Variants in CUX1 observed in about 807,000 individuals in gnomAD.
The protein encoded by CUX1 is cut like homeobox 1, also known as protein CASP.
In CUX1, 31 loss-of-function variants were observed where a neutral mutation model predicts 158.8. The observed-to-expected ratio is 0.20, with a 90% CI of 0.15 to 0.26. The LOEUF (loss-of-function observed/expected upper bound fraction) is 0.26, where lower values mean the gene tolerates loss of function less well. CUX1 is among the 10% of genes least tolerant of loss of function. CUX1 has a pLI of 1.00. For missense variants in CUX1, 1,589 were observed against 2,014.6 expected (o/e 0.79, Z 4.04); for synonymous variants, 879 against 862.1 (o/e 1.02, Z -0.34).
chr7:102,229,142 G>A (rs1798674237), intron 21 of CUX1, among the ~76,000 whole-genome samples: 1 of 152,150 alleles, frequency 6.6e-6, no homozygotes, highest in Non-Finnish European at 1.5e-5. Flanking sequence ...GCAGCCCCTG[G>A]GGAACTCACT....
At chr7:102,259,921 C>G (rs191296421), downstream of CUX1, among the ~76,000 whole-genome samples, 1 of 151,752 alleles carries the variant, frequency 6.6e-6, no homozygotes, top group East Asian at 2.0e-4. Context: ...CATAGTGAGA[C>G]CCCATCTCTA....
chr7:102,117,266 C>T (rs958975768), intron 8 of CUX1, among the ~76,000 whole-genome samples: 3 of 151,972 alleles, frequency 2.0e-5, no homozygotes, highest in East Asian at 1.9e-4. Flanking sequence ...GGCATGGTGG[C>T]GTGCGCCTGT....
chr7:102,090,382 T>C (rs1183945340), intron 4 of CUX1, among the ~76,000 whole-genome samples: 1 of 151,956 alleles, frequency 6.6e-6, no homozygotes, highest in African/African-American at 2.4e-5. Context: ...TTTTTTTGTT[T>C]TTTTGTTTTG....
chr7:101,897,166 G>A (rs958263367), intron 1 of CUX1, among the ~76,000 whole-genome samples: 10 of 152,214 alleles, frequency 6.6e-5, no homozygotes, highest in African/African-American at 1.2e-4. Context: ...TTTTAATGAG[G>A]TTTCAAACTC....
chr7:101,884,865 C>T (rs1800067021), intron 1 of CUX1, among the ~76,000 whole-genome samples: 1 of 152,092 alleles, frequency 6.6e-6, no homozygotes, highest in African/African-American at 2.4e-5. Flanking sequence ...TCCCCCTTGC[C>T]TTCTGGAATC....
At chr7:102,041,240 T>TCAC (rs1345139354) in intron 3 of CUX1, among the ~76,000 whole-genome samples, 4 of 142,312 alleles carry the variant, frequency 2.8e-5, no homozygotes, top group Non-Finnish European at 6.1e-5. Context: ...AGGGAGATTG[T>TCAC]CACCTCTTAT....
Position 102,248,562 on chromosome 7 carries a change from C to A in CUX1, c.4038C>A (p.Gly1346=). 6.7e-7 allele frequency: 1 copy of A among 1,494,570 alleles called. No homozygotes were observed. The highest frequency in any genetic ancestry group is 8.9e-7 in the Non-Finnish European group (1 of 1,126,644). The allele number at this position is 1,494,570 out of a possible 1,614,324, so 92.6% of individuals were successfully genotyped here. Reference sequence around the variant, plus strand: ...GCGACGGCGTGGAGGCCACTGAGGGCCCAGGCAGCGCCGACACCGAGGAGC... The same window carrying A: ...GCGACGGCGTGGAGGCCACTGAGGGACCAGGCAGCGCCGACACCGAGGAGC... The part of the protein sequence containing the change: ...DSCDGVEATE[G]PGSADTEEPK... Residue 1346 remains glycine, a synonymous_variant, in exon 24 of 24, where the codon GGC becomes GGA. Coordinates refer to ENST00000292535, the MANE Select transcript of CUX1 (RefSeq NM_181552.4). The surrounding 1 kb of genome is among the most constrained non-coding windows in gnomAD (Gnocchi z 5.8).
intron 3 of CUX1, among the ~76,000 whole-genome samples, chr7:102,034,781 A>T (rs1227052786): frequency 6.6e-6 from 1 of 151,696 alleles, no homozygotes; most frequent in African/African-American, 2.4e-5. Flanking sequence ...CAAAAACAAA[A>T]AATTAGCTGG....
At chr7:101,820,385 CA>C (rs1792331561) in intron 1 of CUX1, among the ~76,000 whole-genome samples, 1 of 152,200 alleles carries the variant, frequency 6.6e-6, no homozygotes, top group Non-Finnish European at 1.5e-5. Context: ...ATAGTTTACA[CA>C]TTTGTCACAT....
chr7:101,918,019 C>G (rs1301656255), intron 2 of CUX1, among the ~76,000 whole-genome samples: 2 of 152,094 alleles, frequency 1.3e-5, no homozygotes, highest in South Asian at 2.1e-4. Context: ...TAAAAACAAA[C>G]AAAGAAACAA....
At chr7:102,041,666 ATTTTTTT>A (rs1246831975) in intron 3 of CUX1, among the ~76,000 whole-genome samples, 1 of 104,922 alleles carries the variant, frequency 9.5e-6, no homozygotes, top group Non-Finnish European at 1.9e-5. Context: ...CTCCCTTTTG[ATTTTTTT>A]TTTTTTTTTT....
intron 22 of CUX1, among the ~76,000 whole-genome samples, chr7:102,235,905 A>C (rs1337956504): frequency 6.6e-6 from 1 of 151,946 alleles, no homozygotes; most frequent in South Asian, 2.1e-4. Context: ...CCAACCCGGG[A>C]AAGGACTGCT....
chr7:102,108,858 A>G (rs1554489315), intron 6 of CUX1, among the ~76,000 whole-genome samples: 1 of 150,896 alleles, frequency 6.6e-6, no homozygotes, highest in East Asian at 1.9e-4. Flanking sequence ...GGGTTCAAGC[A>G]ATTCTCCTGC....
chr7:102,243,770 A>G (rs1417408794), intron 23 of CUX1, among the ~76,000 whole-genome samples: 16 of 151,760 alleles, frequency 1.1e-4, no homozygotes, highest in Admixed American at 1.1e-3. Flanking sequence ...GTTCACGCCT[A>G]TAATCCCAGC....
At chr7:101,831,837 G>T (rs1584688022) in intron 1 of CUX1, among the ~76,000 whole-genome samples, 1 of 151,778 alleles carries the variant, frequency 6.6e-6, no homozygotes, top group East Asian at 2.0e-4. Flanking sequence ...GACCTCCCGG[G>T]CTCAAGCTAT....
chr7:102,279,930 C>G (rs1173006386), intron 18 of CUX1: 3 of 737,004 alleles, frequency 4.1e-6, no homozygotes, highest in Admixed American at 4.4e-5. Flanking sequence ...CTCCCTCCCC[C>G]ACTTCCCTTT....
intron 2 of CUX1, among the ~76,000 whole-genome samples, chr7:101,962,874 C>T (rs1308412230): frequency 6.6e-6 from 1 of 152,050 alleles, no homozygotes; most frequent in Non-Finnish European, 1.5e-5. Flanking sequence ...GTGTGCACCA[C>T]TGCACCAGGC....
chr7:102,003,363 G>A (rs971694611), intron 2 of CUX1, among the ~76,000 whole-genome samples: 1 of 149,380 alleles, frequency 6.7e-6, no homozygotes, highest in African/African-American at 2.5e-5. Flanking sequence ...CTGTTCTGTT[G>A]TCAGTTGTGT....
At chr7:102,127,579 G>A (rs1474519672) in intron 8 of CUX1, among the ~76,000 whole-genome samples, 1 of 134,760 alleles carries the variant, frequency 7.4e-6, no homozygotes, top group Non-Finnish European at 1.7e-5. Context: ...TTTTGTTTTT[G>A]TTTTTTTTTT....
Sources: allele counts gnomAD v4.1 joint callset (sites outside exome capture counted in the v4.1 genomes callset), GRCh38; gene constraint gnomAD v4.1.1; non-coding constraint Gnocchi (gnomAD v3.1); transcripts MANE v1.5; gene names NCBI Gene and HGNC (gene_info 2026-07-23, HGNC 2026-07-21).